Variants in APC2 observed in about 807,000 individuals in gnomAD.
APC2 encodes APC regulator of Wnt signaling pathway 2.
APC2 carries 41 observed loss-of-function variants against 72.5 expected under a neutral mutation model. The observed-to-expected ratio is 0.57, with a 90% confidence interval of 0.44 to 0.73. The LOEUF (loss-of-function observed/expected upper bound fraction) is 0.73, where lower values mean the gene tolerates loss of function less well. Ranked by LOEUF, APC2 falls within the 30% of genes least tolerant of loss-of-function variation. The pLI is 0.00. For synonymous variants in APC2, 1,898 were observed against 1,612.0 expected (o/e 1.18, Z -4.25); for missense variants, 3,729 against 3,403.4 (o/e 1.10, Z -2.38).
chr19:1,462,228 C>T (rs2145218468), intron 14 of APC2, 51 bp downstream of exon 14: 1 of 1,450,212 alleles, frequency 6.9e-7, no homozygotes, highest in Non-Finnish European at 9.2e-7. Flanking sequence ...TCGGGGCGGG[C>T]ACAGGGCTGG....
chr19:1,465,091 C>T, intron 14 of APC2, 64 bp from the exon 15 acceptor site: 1 of 1,535,674 alleles, frequency 6.5e-7, no homozygotes, highest in Non-Finnish European at 8.8e-7. Context: ...ATCTGGCCCC[C>T]CCATCCTTCG....
chr19:1,467,356 C>T lies in APC2; in HGVS notation c.4055C>T (p.Pro1352Leu). 1 of 1,467,596 alleles carries T rather than the reference C, an allele frequency of 6.8e-7. No individual in the cohort carries two copies. The highest frequency in any genetic ancestry group is 9.0e-7 in the Non-Finnish European group (1 of 1,114,038). 90.9% of individuals were successfully genotyped at this position (1,467,596 alleles called of 1,614,324 possible). ...CGGGAGTGCCTGGGAGCCGCCGTGCCTGCCCGGCTGCGCAAGGTGGCCTCC... is the reference window on the plus strand; with the variant it reads ...CGGGAGTGCCTGGGAGCCGCCGTGCTTGCCCGGCTGCGCAAGGTGGCCTCC... ...LLRECLGAAV[P>L]ARLRKVASAL... Residue 1352 changes from proline to leucine, a missense_variant, in exon 15 of 15, where the codon CCT becomes CTT. Physicochemically the swap from Pro to Leu is moderately conservative, Grantham distance 98 (BLOSUM62 -3). Coordinates refer to ENST00000590469, the MANE Select transcript of APC2 (RefSeq NM_005883.3).
upstream of APC2, among the ~76,000 whole-genome samples, chr19:1,448,544 TAA>T (rs547873034): frequency 4.6e-4 from 38 of 82,652 alleles, no homozygotes; most frequent in Admixed American, 1.1e-3. Flanking sequence ...AGACCCCATC[TAA>T]AAAAAAAAAA....
At chr19:1,454,424 G>A (rs947091448) in intron 4 of APC2, among the ~76,000 whole-genome samples, 2 of 151,660 alleles carry the variant, frequency 1.3e-5, no homozygotes, top group Non-Finnish European at 2.9e-5. Flanking sequence ...TGTCACCCAG[G>A]CTGGAGTGCA....
rs1462699038 is a variant in APC2 at position 1,467,643 on chromosome 19, G to A, written c.4342G>A (p.Ala1448Thr). Residue 1448 changes from alanine (A) to threonine (T), a missense_variant, in exon 15 of 15, where the codon GCC (alanine) becomes ACC (threonine). Physicochemically the swap from Ala to Thr is moderately conservative, Grantham distance 58. Transcript: ENST00000590469. ...AMGHRHKAGG[A>T]GRSAEQSRGA... ...GGGGCACCGGCACAAGGCGGGAGGC[G>A]CCGGCCGCAGCGCGGAGCAGTCTCG... 13 of 1,480,058 alleles carry A rather than the reference G, an allele frequency of 8.8e-6. No homozygotes were observed. The highest frequency in any genetic ancestry group is 2.7e-5 in the East Asian group (1 of 36,542). The allele number at this position is 1,480,058 out of a possible 1,614,324, so 91.7% of individuals were successfully genotyped here.
In APC2 at chr19:1,469,852, G is replaced by T. The variant is rs763459814; in HGVS notation, c.6551G>T (p.Arg2184Leu). ...GACGCCCCGGCCGGGCCCCCGCCGC[G>T]CAAGACCAGCGACGCCGTGGTCCAG... is the stretch of plus-strand genomic sequence containing the variant. The part of the protein sequence containing the change: ...PEDAPAGPPP[R>L]KTSDAVVQTE... Residue 2184 changes from arginine to leucine, a missense_variant, in exon 15 of 15, where the codon CGC becomes CTC. Transcript: ENST00000590469. The T allele has an allele frequency of 3.3e-6, 5 of 1,519,550 alleles. No homozygotes were observed. The African/African-American group carries it at 7.1e-5, about 22-fold the overall frequency. The allele number at this position is 1,519,550 out of a possible 1,614,324, so 94.1% of individuals were successfully genotyped here.
rs2084127123 is a variant in APC2 at position 1,471,129 on chromosome 19, G to C, written c.*916G>C. ...TGGAAAGGAGACTGAGGGGAGTCCC[G>C]GCAGTGAGCCCGAGGCCCTGGGACC... On this transcript the variant is annotated 3_prime_UTR_variant, in exon 15 of 15. Coordinates refer to ENST00000590469, the MANE Select transcript of APC2 (RefSeq NM_005883.3). 1 of 152,416 alleles carries C rather than the reference G, an allele frequency of 6.6e-6. No homozygotes were observed. The highest frequency in any genetic ancestry group is 2.4e-5 in the African/African-American group (1 of 41,466). The allele number at this position is 152,416 out of a possible 1,614,324, so 9.4% of individuals were successfully genotyped here.
chr19:1,452,053 C>T lies in APC2; in HGVS notation c.-18-931C>T, dbSNP rs569272711. ...GAGGGATGGGCTGCCATTGGTGCGT[C>T]TGAGACAAAGGCGGAGGGAGGAGGC... is the stretch of plus-strand genomic sequence containing the variant. On this transcript the variant is annotated intron_variant, in intron 1 of 14. Coordinates refer to ENST00000590469, the MANE Select transcript of APC2 (RefSeq NM_005883.3). The surrounding 1 kb of genome is among the most constrained non-coding windows in gnomAD (Gnocchi z 5.1). The T allele has an allele frequency of 9.4e-4, 142 of 151,146 alleles. 2 individuals carry two copies. Among genetic ancestry groups the T allele is most frequent in the Non-Finnish European group, 1.7e-3 (117 of 68,894 alleles). 9.4% of individuals were successfully genotyped at this position (151,146 alleles called of 1,614,324 possible).
rs374792492 is a variant in APC2, at chr19:1,458,056, G to C, written c.1299G>C (p.Glu433Asp). ...AGGAGTACCGCCGTGCCATGAACGA[G>C]CTAGGTGAGTGTCCCAGGTCCTCTG... The part of the protein sequence containing the change: ...FDEEYRRAMN[E>D]LGGLQAVAEL... The change falls in exon 10 of 15, where the codon GAG becomes GAC. Residue 433 changes from glutamate (E) to aspartate (D), a missense_variant. Transcript: ENST00000590469. 176 of 1,560,698 alleles carry C rather than the reference G, an allele frequency of 1.1e-4. No homozygotes were observed. Among genetic ancestry groups the C allele is most frequent in the Non-Finnish European group, 1.5e-4 (170 of 1,151,292 alleles).
In APC2 at chr19:1,465,720, G is replaced by A. The variant is rs780829804; in HGVS notation, c.2419G>A (p.Gly807Ser). ...CCCTGCCGCGCTGTCCCTCTTCCTGGGCAGCCCCTTCCTGCAGGGGCAGGC... is the reference window on the plus strand; with the variant it reads ...CCCTGCCGCGCTGTCCCTCTTCCTGAGCAGCCCCTTCCTGCAGGGGCAGGC... ...ASPAALSLFL[G>S]SPFLQGQALA... Residue 807 changes from glycine to serine, a missense_variant, in exon 15 of 15, where the codon GGC becomes AGC. Coordinates refer to ENST00000590469, the MANE Select transcript of APC2 (RefSeq NM_005883.3). 1 of 1,564,136 alleles carries A rather than the reference G, an allele frequency of 6.4e-7. No homozygotes were observed. The highest frequency in any genetic ancestry group is 1.4e-5 in the African/African-American group (1 of 73,564).
In APC2 at chr19:1,450,207, G is replaced by T. The variant is rs112305752; in HGVS notation, c.-150G>T. 1.0e-6 allele frequency: 1 copy of T among 985,312 alleles called. No individual in the cohort carries two copies. The highest frequency in any genetic ancestry group is 1.2e-6 in the Non-Finnish European group (1 of 829,906). The allele number at this position is 985,312 out of a possible 1,614,324, so 61.0% of individuals were successfully genotyped here. A position where few individuals can be genotyped will look rare whatever the true frequency, so the allele number is the denominator to read the frequency against. ...TGTCCGCCCCGGAGCCCCTGCCCGC[G>T]CCGCGGAGACCCCGGAGCCCGCGCG... On this transcript the variant is annotated 5_prime_UTR_variant, in exon 1 of 15. Transcript: ENST00000590469.
At position 1,467,222 on chromosome 19, in the gene APC2, C is replaced by A. The variant is rs764207735; in HGVS notation, c.3921C>A (p.Gly1307=). ...CGGCCTGCCCCGAGCGCGGCGGGGG[C>A]GCCGGGGGCGCCGGCCTCCACTTTG... is the stretch of plus-strand genomic sequence containing the variant. ...LPSACPERGG[G]AGGAGLHFAG... The change falls in exon 15 of 15, where the codon GGC becomes GGA. Residue 1307 remains glycine (G), a synonymous_variant. Coordinates refer to ENST00000590469, the MANE Select transcript of APC2 (RefSeq NM_005883.3). 1 of 1,365,348 alleles carries A rather than the reference C, an allele frequency of 7.3e-7. No individual in the cohort carries two copies. The highest frequency in any genetic ancestry group is 9.4e-7 in the Non-Finnish European group (1 of 1,063,748). The allele number at this position is 1,365,348 out of a possible 1,614,324, so 84.6% of individuals were successfully genotyped here. A position where few individuals can be genotyped will look rare whatever the true frequency, so the allele number is the denominator to read the frequency against.
chr19:1,460,845 G>C lies in APC2; in HGVS notation c.1509G>C (p.Glu503Asp). 1 of 1,613,238 alleles carries C rather than the reference G, an allele frequency of 6.2e-7. No individual in the cohort carries two copies. Among genetic ancestry groups the C allele is most frequent in the Non-Finnish European group, 8.5e-7 (1 of 1,179,964 alleles). Residue 503 changes from glutamate to aspartate, a missense_variant, in exon 12 of 15, where the codon GAG (glutamate) becomes GAC (aspartate). Physicochemically the swap from Glu to Asp is conservative, Grantham distance 45. Coordinates refer to ENST00000590469, the MANE Select transcript of APC2 (RefSeq NM_005883.3). ...TGGCCCAGCTGGCCTCCGACAGTGA[G>C]GAGCTCCACCAGGTACAGGGCGGGG... ...AIVAQLASDS[E>D]ELHQVVSSIL...
chr19:1,456,033 G>A, intron 6 of APC2, 43 bp from the exon 7 acceptor site: 9 of 1,492,948 alleles, frequency 6.0e-6, no homozygotes, highest in Non-Finnish European at 8.0e-6. Flanking sequence ...AGAGCCGGGG[G>A]CGGGGTCAGC....
Position 1,469,187 on chromosome 19 carries a change from C to G in APC2, c.5886C>G (p.Gly1962=). ...GPRGRAGTEA[G]PGARGGRLGL... ...GGGGCCGGGCGGGGACCGAGGCGGG[C>G]CCGGGGGCGCGCGGGGGCCGCCTGG... Residue 1962 remains glycine, a synonymous_variant, in exon 15 of 15, where the codon GGC becomes GGG. Transcript: ENST00000590469. 1 of 1,291,008 alleles carries G rather than the reference C, an allele frequency of 7.7e-7. No homozygotes were observed. Among genetic ancestry groups the G allele is most frequent in the East Asian group, 3.4e-5 (1 of 29,794 alleles). The allele number at this position is 1,291,008 out of a possible 1,614,324, so 80.0% of individuals were successfully genotyped here.
At position 1,468,529 on chromosome 19, in the gene APC2, G is replaced by C; in HGVS notation, c.5228G>C (p.Gly1743Ala). The change falls in exon 15 of 15, where the codon GGA (glycine) becomes GCA (alanine). Residue 1743 changes from glycine (G) to alanine (A), a missense_variant. Physicochemically the swap from Gly to Ala is moderately conservative, Grantham distance 60 (BLOSUM62 0). Coordinates refer to ENST00000590469, the MANE Select transcript of APC2 (RefSeq NM_005883.3). ...CACAGGAAGGGACGACAGGCGGAGG[G>C]AGAAATGGGCAGTGCCCGGCGGCCA... ...PKHRKGRQAE[G>A]EMGSARRPEK... is the part of the protein sequence containing the mutation. 6.2e-7 allele frequency: 1 copy of C among 1,602,772 alleles called. No homozygotes were observed. Among genetic ancestry groups the C allele is most frequent in the Non-Finnish European group, 8.5e-7 (1 of 1,173,908 alleles).
chr19:1,468,051 A>G lies in APC2; in HGVS notation c.4750A>G (p.Ser1584Gly), dbSNP rs755082591. Residue 1584 changes from serine to glycine, a missense_variant, in exon 15 of 15, where the codon AGC becomes GGC. Physicochemically the swap from Ser to Gly is moderately conservative, Grantham distance 56. Coordinates refer to ENST00000590469, the MANE Select transcript of APC2 (RefSeq NM_005883.3). ...PPCYSLSSSA[S>G]SLSEPEPSEP... is the part of the protein sequence containing the mutation. ...CTGCTACTCCCTGAGCTCCTCCGCCAGCTCCCTCAGCGAGCCCGAGCCCTC... is the reference window on the plus strand; with the variant it reads ...CTGCTACTCCCTGAGCTCCTCCGCCGGCTCCCTCAGCGAGCCCGAGCCCTC... 23 of 1,576,374 alleles carry G rather than the reference A, an allele frequency of 1.5e-5. No homozygotes were observed. The highest frequency in any genetic ancestry group is 1.9e-5 in the Non-Finnish European group (22 of 1,170,764).
At chr19:1,456,220 T>C (rs2083823199) in intron 7 of APC2, 67 bp downstream of exon 7, 2 of 1,550,200 alleles carry the variant, frequency 1.3e-6, no homozygotes, top group African/African-American at 1.4e-5. Context: ...GCTCCTCGAG[T>C]TCTGCCCGCC....
chr19:1,452,744 C>T lies in APC2; in HGVS notation c.-18-240C>T. On this transcript the variant is annotated intron_variant, in intron 1 of 14. Coordinates refer to ENST00000590469, the MANE Select transcript of APC2 (RefSeq NM_005883.3). This position sits in a 1 kb window ranked among gnomAD's most constrained non-coding sequence, Gnocchi z 5.1. ...GTTCAGCTGTCTGTACGTCTGTCTG[C>T]TGGCCCCTCTGTCTCCCCTTGGGGC... The T allele has an allele frequency of 1.9e-6, 1 of 529,456 alleles. No homozygotes were observed. The highest frequency in any genetic ancestry group is 5.0e-4 in the Middle Eastern group (1 of 2,008). 32.8% of individuals were successfully genotyped at this position (529,456 alleles called of 1,614,324 possible).
Sources: allele counts gnomAD v4.1 joint callset (sites outside exome capture counted in the v4.1 genomes callset), GRCh38; gene constraint gnomAD v4.1.1; non-coding constraint Gnocchi (gnomAD v3.1); transcripts MANE v1.5; gene names NCBI Gene and HGNC (gene_info 2026-07-23, HGNC 2026-07-21).